GABRG3: variants seen among roughly 807,000 people sequenced by gnomAD.
GABRG3 encodes gamma-aminobutyric acid type A receptor subunit gamma3.
In GABRG3, 25 loss-of-function variants were observed where a neutral mutation model predicts 48.8. The observed-to-expected ratio is 0.51, with a 90% CI of 0.37 to 0.72. GABRG3 has a LOEUF of 0.72. Ranked by LOEUF, GABRG3 falls within the 30% of genes least tolerant of loss-of-function variation. The pLI is 0.00. For missense variants in GABRG3, 394 were observed against 577.9 expected (o/e 0.68, Z 3.26); for synonymous variants, 227 against 217.6 (o/e 1.04, Z -0.38).
In GABRG3 at chr15:27,394,610, G is replaced by C. The variant is rs150558379; in HGVS notation, c.574+65722G>C. Among the ~76,000 whole-genome samples, 786 of 152,188 alleles carry C rather than the reference G, an allele frequency of 5.2e-3. 3 individuals carry two copies. The highest frequency in any genetic ancestry group is 0.018 in the African/African-American group (749 of 41,528). Reference sequence around the variant, plus strand: ...ATTTGTTTTTTCATTTTAGCCAAAAGACTCTAGAATTTCTTGTAAAGCAGG... The same window carrying C: ...ATTTGTTTTTTCATTTTAGCCAAAACACTCTAGAATTTCTTGTAAAGCAGG... On this transcript the variant is annotated intron_variant, in intron 5 of 9. Coordinates refer to ENST00000615808, the MANE Select transcript of GABRG3 (RefSeq NM_033223.5).
intron 5 of GABRG3, among the ~76,000 whole-genome samples, chr15:27,385,482 G>C (rs375575957): frequency 6.6e-6 from 1 of 151,788 alleles, no homozygotes; most frequent in Non-Finnish European, 1.5e-5. Context: ...CTCTCCTCTC[G>C]TTCTGGTACT....
intron 5 of GABRG3, among the ~76,000 whole-genome samples, chr15:27,339,824 G>A (rs556859298): frequency 6.6e-6 from 1 of 152,272 alleles, no homozygotes; most frequent in Admixed American, 6.5e-5. Flanking sequence ...AGCTTCTGAG[G>A]ATAAGAAGGG....
At chr15:27,170,626 CA>C (rs1371164753) in intron 3 of GABRG3, among the ~76,000 whole-genome samples, 1 of 152,154 alleles carries the variant, frequency 6.6e-6, no homozygotes, top group African/African-American at 2.4e-5. Context: ...CAAGTGTGAA[CA>C]GACCAAATGC....
intron 3 of GABRG3, among the ~76,000 whole-genome samples, chr15:27,304,703 C>A (rs1224148063): frequency 6.6e-6 from 1 of 151,928 alleles, no homozygotes; most frequent in Non-Finnish European, 1.5e-5. Flanking sequence ...TTACATTGGG[C>A]CCACCCAGAT....
intron 5 of GABRG3, among the ~76,000 whole-genome samples, chr15:27,450,093 A>C (rs1415508226): frequency 6.6e-6 from 1 of 152,222 alleles, no homozygotes; most frequent in African/African-American, 2.4e-5. Flanking sequence ...TGCCCGCTCC[A>C]CAAGAGCAGA....
At chr15:27,194,891 A>G (rs1888445719) in intron 3 of GABRG3, among the ~76,000 whole-genome samples, 1 of 152,110 alleles carries the variant, frequency 6.6e-6, no homozygotes, top group South Asian at 2.1e-4. Flanking sequence ...GACAGTATAA[A>G]AGTTAACTCT....
Position 27,387,066 on chromosome 15 carries a change from C to T in GABRG3, c.574+58178C>T, listed in dbSNP as rs138477055. ...ACTTCATTAATATTATAGAGAGTTA[C>T]TTGTGTACCCTTTACCCAGAATCTC... is the stretch of plus-strand genomic sequence containing the variant. On this transcript the variant is annotated intron_variant, in intron 5 of 9. Transcript: ENST00000615808. Among the ~76,000 whole-genome samples the T allele has an allele frequency of 5.6e-3, 856 of 152,240 alleles. 7 individuals are homozygous for T. Among genetic ancestry groups the T allele is most frequent in the Middle Eastern group, 0.01 (3 of 294 alleles).
At chr15:27,402,759 G>T (rs941364858) in intron 5 of GABRG3, among the ~76,000 whole-genome samples, 11 of 152,200 alleles carry the variant, frequency 7.2e-5, no homozygotes, top group Admixed American at 7.2e-4. Context: ...AGGGTTAATA[G>T]AAAATGCACA....
At chr15:27,088,105 T>TTGTGTGTGTGTG (rs59358081) in intron 3 of GABRG3, among the ~76,000 whole-genome samples, 2 of 147,300 alleles carry the variant, frequency 1.4e-5, no homozygotes, top group Non-Finnish European at 3.0e-5. Context: ...TGTGCCGTGG[T>TTGTGTGTGTGTG]TGTGTGTGTG....
chr15:27,252,115 T>G (rs536816636), intron 3 of GABRG3, among the ~76,000 whole-genome samples: 3 of 152,292 alleles, frequency 2.0e-5, no homozygotes, highest in Non-Finnish European at 4.4e-5. Flanking sequence ...CTGACTCAGC[T>G]TTTTGTGAAA....
intron 5 of GABRG3, chr15:27,364,859 A>G (rs967845963): frequency 1.3e-5 from 2 of 152,258 alleles, no homozygotes; most frequent in African/African-American, 4.8e-5. Context: ...AGGGTATCCT[A>G]TAATACATGG....
intron 3 of GABRG3, among the ~76,000 whole-genome samples, chr15:27,278,433 C>T (rs1008354384): frequency 1.3e-5 from 2 of 152,140 alleles, no homozygotes; most frequent in Non-Finnish European, 1.5e-5. Flanking sequence ...ACAAGGATCT[C>T]AGGAAGAATA....
rs933412981 is a variant in GABRG3 at position 27,326,860 on chromosome 15, C to T, written c.322C>T (p.Arg108Ter). ...TCAGACCTGGACAGATAGTCGCCTT[C>T]GATTCAACAGCACAATGAAAATTCT... The part of the protein sequence containing the change: ...FAQTWTDSRL[R>*]FNSTMKILTL... The change falls in exon 4 of 10, where the codon CGA becomes TGA. Residue 108 changes from arginine (R) to a stop codon, truncating the protein, a stop_gained. Transcript: ENST00000615808. LOFTEE classifies it high-confidence loss of function. The T allele has an allele frequency of 2.5e-6, 4 of 1,613,968 alleles. No homozygotes were observed. Among genetic ancestry groups the T allele is most frequent in the South Asian group, 1.1e-5 (1 of 91,070 alleles).
intron 9 of GABRG3, chr15:27,530,898 G>A (rs1183641176): frequency 2.4e-5 from 8 of 331,938 alleles, no homozygotes; most frequent in African/African-American, 2.2e-5. Context: ...GCAATTGTTT[G>A]TTAATAAAGG....
intron 5 of GABRG3, among the ~76,000 whole-genome samples, chr15:27,387,909 AAGGAGGGAAGGAG>A (rs1895983698): frequency 2.6e-5 from 1 of 38,274 alleles, no homozygotes; most frequent in Non-Finnish European, 5.4e-5. Context: ...GGAAGGAGGG[AAGGAGGGAAGGAG>A]GGAGGGAGGG....
intron 3 of GABRG3, among the ~76,000 whole-genome samples, chr15:27,040,393 G>T (rs1365789129): frequency 1.3e-5 from 2 of 152,212 alleles, no homozygotes. Context: ...CACTGGGTGT[G>T]TCCAGAGGAG....
chr15:27,084,233 T>C (rs992843055), intron 3 of GABRG3, among the ~76,000 whole-genome samples: 1 of 152,250 alleles, frequency 6.6e-6, no homozygotes, highest in African/African-American at 2.4e-5. Context: ...TTTGGGATTA[T>C]CCCACGTGCC....
chr15:27,361,818 G>A (rs1353458795), intron 5 of GABRG3, among the ~76,000 whole-genome samples: 1 of 152,204 alleles, frequency 6.6e-6, no homozygotes, highest in African/African-American at 2.4e-5. Context: ...TGTCAATTAA[G>A]CCACATTACA....
At chr15:27,088,208 T>G (rs1269119667) in intron 3 of GABRG3, among the ~76,000 whole-genome samples, 2 of 149,212 alleles carry the variant, frequency 1.3e-5, no homozygotes, top group Non-Finnish European at 1.5e-5. Context: ...GGGCTCACGT[T>G]TGTTAGATGG....
Sources: gnomAD v4.1 joint callset for allele counts (sites outside exome capture counted in the v4.1 genomes callset) on GRCh38, gnomAD v4.1.1 for gene constraint, MANE v1.5 for transcripts, NCBI Gene and HGNC (gene_info 2026-07-23, HGNC 2026-07-21) for gene names.